The following CCDC7 variants were observed in gnomAD, a reference collection of about 807,000 sequenced individuals.
CCDC7 encodes coiled-coil domain containing 7, also known as coiled-coil domain-containing protein 7.
CCDC7 carries 183 observed loss-of-function variants against 196.9 expected under a neutral mutation model. The ratio of observed to expected loss-of-function variants is 0.93; its 90% CI spans 0.82 to 1.05. CCDC7 has a LOEUF of 1.05. Among genes scored for constraint, CCDC7 ranks in the 50% least tolerant of loss-of-function variants. The pLI is 0.00. For missense variants in CCDC7, 1,540 were observed against 1,482.2 expected (o/e 1.04, Z -0.64); for synonymous variants, 525 against 484.6 (o/e 1.08, Z -1.10).
At chr10:32,547,622 A>T (rs187712844) in intron 13 of CCDC7, among the ~76,000 whole-genome samples, 1 of 152,248 alleles carries the variant, frequency 6.6e-6, no homozygotes, top group East Asian at 1.9e-4. Context: ...CTGTGGGTAC[A>T]TAGTAGGTGT....
At chr10:32,674,597 C>G (rs2074609382) in intron 21 of CCDC7, among the ~76,000 whole-genome samples, 2 of 151,874 alleles carry the variant, frequency 1.3e-5, no homozygotes, top group South Asian at 4.2e-4. Flanking sequence ...GCTGTTAGGT[C>G]CATTTGGTCT....
At chr10:32,859,584 G>GAGAT (rs2093893540) in intron 41 of CCDC7, among the ~76,000 whole-genome samples, 2 of 150,054 alleles carry the variant, frequency 1.3e-5, no homozygotes, top group Admixed American at 6.6e-5. Context: ...AGAACTGAAG[G>GAGAT]AGAGACACAA....
chr10:32,543,304 C>T, exon 12 of CCDC7: 1 of 1,430,234 alleles, frequency 7.0e-7, no homozygotes, highest in Non-Finnish European at 9.3e-7. Flanking sequence ...ATACAGAAAA[C>T]TAAGCCTACA....
intron 28 of CCDC7, among the ~76,000 whole-genome samples, chr10:32,761,951 A>G (rs1268619463): frequency 6.6e-6 from 1 of 151,970 alleles, no homozygotes; most frequent in Non-Finnish European, 1.5e-5. Context: ...GAGAATAAAC[A>G]TTTCCACATG....
intron 29 of CCDC7, among the ~76,000 whole-genome samples, chr10:32,786,796 T>G (rs1183313933): frequency 6.6e-6 from 1 of 151,674 alleles, no homozygotes; most frequent in Non-Finnish European, 1.5e-5. Context: ...CCTACTATAT[T>G]AAATATCCTC....
chr10:32,827,951 ATCTTTTAAGTC>A (rs2135770026), intron 32 of CCDC7, among the ~76,000 whole-genome samples: 1 of 152,282 alleles, frequency 6.6e-6, no homozygotes, highest in African/African-American at 2.4e-5. Flanking sequence ...AGTGCTTGCC[ATCTTTTAAGTC>A]CTGAAAAGAG....
intron 29 of CCDC7, among the ~76,000 whole-genome samples, chr10:32,801,825 A>G (rs1395246065): frequency 6.6e-6 from 1 of 152,200 alleles, no homozygotes; most frequent in Non-Finnish European, 1.5e-5. Context: ...AGCGTGGGTC[A>G]TAGATTGGGA....
At chr10:32,462,846 TG>T in intron 4 of CCDC7, 143 bp downstream of exon 5, 3 of 1,267,876 alleles carry the variant, frequency 2.4e-6, no homozygotes, top group Non-Finnish European at 3.2e-6. Flanking sequence ...TATGTTCATT[TG>T]TATAGTGCAT....
intron 28 of CCDC7, among the ~76,000 whole-genome samples, chr10:32,747,601 T>G (rs1248165568): frequency 6.6e-6 from 1 of 151,978 alleles, no homozygotes; most frequent in East Asian, 1.9e-4. Flanking sequence ...AACAAGCATA[T>G]GAAAAAAATG....
intron 9 of CCDC7, chr10:32,514,024 G>T (rs2046646186): frequency 1.3e-5 from 2 of 152,252 alleles, no homozygotes; most frequent in Admixed American, 1.3e-4. Context: ...GTCTGCATTG[G>T]TGAGGAAGAA....
chr10:32,451,566 T>G, upstream of CCDC7: 1 of 1,505,324 alleles, frequency 6.6e-7, no homozygotes, highest in Non-Finnish European at 8.8e-7. Flanking sequence ...TGGTGTTTTC[T>G]CTGAATCTCT....
At chr10:32,493,757 T>C (rs1319796719) in intron 9 of CCDC7, among the ~76,000 whole-genome samples, 1 of 152,192 alleles carries the variant, frequency 6.6e-6, no homozygotes, top group Non-Finnish European at 1.5e-5. Context: ...TGAGGTAATA[T>C]TACATGGTGG....
intron 24 of CCDC7, among the ~76,000 whole-genome samples, chr10:32,696,960 T>G (rs1307317744): frequency 3.3e-5 from 5 of 152,166 alleles, no homozygotes. Context: ...AAAATTAACA[T>G]TTTTTGCATG....
chr10:32,643,013 A>T (rs1271972510), intron 20 of CCDC7, among the ~76,000 whole-genome samples: 3 of 152,212 alleles, frequency 2.0e-5, no homozygotes, highest in Admixed American at 6.5e-5. Flanking sequence ...TCACGTTAGG[A>T]CTGTAGAAAC....
intron 2 of CCDC7, 79 bp from the exon 4 acceptor site, chr10:32,456,172 A>T (rs1268696671): frequency 7.7e-7 from 1 of 1,305,062 alleles, no homozygotes; most frequent in Non-Finnish European, 9.9e-7. Context: ...ATTTTTCAAA[A>T]AGTAAATATG....
intron 29 of CCDC7, among the ~76,000 whole-genome samples, chr10:32,793,814 CTG>C (rs1169295627): frequency 1.3e-5 from 2 of 152,112 alleles, no homozygotes; most frequent in East Asian, 3.8e-4. Context: ...TTTATCGAGA[CTG>C]TTTTGTGGTA....
chr10:32,543,600 G>T (rs1018171872), intron 12 of CCDC7, among the ~76,000 whole-genome samples: 2 of 152,016 alleles, frequency 1.3e-5, no homozygotes, highest in Non-Finnish European at 2.9e-5. Flanking sequence ...TGGAAGAGGA[G>T]ATTGAACCAC....
intron 18 of CCDC7, among the ~76,000 whole-genome samples, chr10:32,629,984 G>T (rs1010117644): frequency 1.3e-5 from 2 of 152,220 alleles, no homozygotes; most frequent in African/African-American, 4.8e-5. Flanking sequence ...AAGCCAGGAA[G>T]AAAGGCACAG....
chr10:32,606,588 C>T (rs1054592119), intron 18 of CCDC7, among the ~76,000 whole-genome samples: 10 of 152,170 alleles, frequency 6.6e-5, no homozygotes, highest in Non-Finnish European at 1.3e-4. Flanking sequence ...ACCAGTATGC[C>T]CTGGATTTGG....
Sources: gnomAD v4.1 joint callset for allele counts (sites outside exome capture counted in the v4.1 genomes callset) on GRCh38, gnomAD v4.1.1 for gene constraint, MANE v1.5 for transcripts, NCBI Gene and HGNC (gene_info 2026-07-23, HGNC 2026-07-21) for gene names.